C12orf54: variants seen among roughly 807,000 people sequenced by gnomAD.
C12orf54 encodes uncharacterized protein C12orf54.
Under a neutral mutation model 26.4 loss-of-function variants are expected in C12orf54, and 24 were observed. The ratio of observed to expected loss-of-function variants is 0.91; its 90% confidence interval spans 0.66 to 1.28. The LOEUF (loss-of-function observed/expected upper bound fraction) is 1.28, where lower values mean the gene tolerates loss of function less well. Ranked by LOEUF, C12orf54 falls within the 50% of genes most tolerant of loss-of-function variation. The probability of loss-of-function intolerance (pLI) is 0.00; values close to 1 mark genes in which losing one functional copy is unlikely to be tolerated. For missense variants in C12orf54, 154 were observed against 150.9 expected (o/e 1.02, Z -0.11); for synonymous variants, 54 against 47.0 (o/e 1.15, Z -0.61).
At chr12:48,472,457 A>G in the C12orf54 span, among the ~76,000 whole-genome samples, 1 of 152,236 alleles carries the variant, frequency 6.6e-6, no homozygotes, top group Non-Finnish European at 1.5e-5. Context: ...GGAAGTAGTC[A>G]TTATTCTAAG....
At chr12:48,486,081 C>A in intron 2 of C12orf54, 97 bp from the exon 3 acceptor site, 1 of 1,240,508 alleles carries the variant, frequency 8.1e-7, no homozygotes, top group Non-Finnish European at 1.2e-6. Context: ...ATAGAAACTT[C>A]AAGAATTCCT....
intron 4 of C12orf54, 129 bp downstream of exon 4, chr12:48,486,855 T>C: frequency 2.3e-6 from 2 of 879,360 alleles, no homozygotes; most frequent in Admixed American, 4.5e-5. Flanking sequence ...ATCAACACGC[T>C]CCCTCCCACC....
chr12:48,425,839 GC>G, the C12orf54 span, among the ~76,000 whole-genome samples: 127 of 151,606 alleles, frequency 8.4e-4, no homozygotes, highest in African/African-American at 3.0e-3. Flanking sequence ...GTAATACTGA[GC>G]TTTTTTATAT....
the C12orf54 span, among the ~76,000 whole-genome samples, chr12:48,447,919 GAA>G: frequency 6.6e-6 from 1 of 152,178 alleles, no homozygotes; most frequent in East Asian, 1.9e-4. Flanking sequence ...AGCATAAGAG[GAA>G]GTGACCTATT....
At chr12:48,474,310 A>G in the C12orf54 span, among the ~76,000 whole-genome samples, 1 of 152,174 alleles carries the variant, frequency 6.6e-6, no homozygotes, top group African/African-American at 2.4e-5. Flanking sequence ...AGCTCCCAGC[A>G]TGAGCGATAC....
chr12:48,434,404 G>T, the C12orf54 span, among the ~76,000 whole-genome samples: 1 of 152,216 alleles, frequency 6.6e-6, no homozygotes. Flanking sequence ...TGACAGCTTT[G>T]AAGAGAGTAG....
upstream of C12orf54, among the ~76,000 whole-genome samples, chr12:48,478,911 GT>G (rs1227966598): frequency 6.6e-6 from 1 of 152,204 alleles, no homozygotes; most frequent in Non-Finnish European, 1.5e-5. Context: ...CTTTTACACT[GT>G]TGGTGGGACT....
At chr12:48,476,039 G>T in the C12orf54 span, among the ~76,000 whole-genome samples, 10,432 of 151,884 alleles carry the variant, frequency 0.069, 1,130 homozygotes, top group African/African-American at 0.24. Flanking sequence ...CAGACTAACA[G>T]CTGATCTCTC....
chr12:48,439,677 C>G, the C12orf54 span, among the ~76,000 whole-genome samples: 1 of 152,080 alleles, frequency 6.6e-6, no homozygotes, highest in Non-Finnish European at 1.5e-5. Context: ...TGTTCTCACT[C>G]ATAGGTGGGA....
the C12orf54 span, among the ~76,000 whole-genome samples, chr12:48,438,313 A>G: frequency 6.6e-6 from 1 of 152,264 alleles, no homozygotes; most frequent in East Asian, 1.9e-4. Context: ...AATATCGTGA[A>G]AATGGCCATA....
upstream of C12orf54, among the ~76,000 whole-genome samples, chr12:48,480,526 A>G (rs1278616545): frequency 3.3e-5 from 5 of 152,210 alleles, no homozygotes; most frequent in Admixed American, 6.5e-5. Context: ...CAAAATCACA[A>G]TGAGACATCT....
upstream of C12orf54, among the ~76,000 whole-genome samples, chr12:48,481,136 C>T (rs1245395904): frequency 1.3e-5 from 2 of 152,046 alleles, no homozygotes; most frequent in South Asian, 4.2e-4. Context: ...GAAGCCCAAA[C>T]CTCAGCAATA....
At chr12:48,451,680 A>C in the C12orf54 span, among the ~76,000 whole-genome samples, 1 of 152,194 alleles carries the variant, frequency 6.6e-6, no homozygotes, top group Non-Finnish European at 1.5e-5. Flanking sequence ...AATCACTAGC[A>C]TTCCTATACA....
chr12:48,490,042 T>A (rs1434336970), intron 5 of C12orf54, among the ~76,000 whole-genome samples: 3 of 152,092 alleles, frequency 2.0e-5, no homozygotes, highest in African/African-American at 7.2e-5. Context: ...TTTTTAAAGA[T>A]CCTTTACACG....
the C12orf54 span, among the ~76,000 whole-genome samples, chr12:48,438,817 G>A: frequency 0.13 from 20,145 of 152,084 alleles, 2,682 homozygotes; most frequent in East Asian, 0.66. Flanking sequence ...AGAAAACCTA[G>A]ACAATACCAT....
chr12:48,426,791 C>T, the C12orf54 span, among the ~76,000 whole-genome samples: 1 of 152,176 alleles, frequency 6.6e-6, no homozygotes, highest in African/African-American at 2.4e-5. Context: ...TTGTAGAGAT[C>T]TTTCACCTCC....
the C12orf54 span, among the ~76,000 whole-genome samples, chr12:48,418,838 A>T: frequency 6.6e-6 from 1 of 152,116 alleles, no homozygotes; most frequent in Non-Finnish European, 1.5e-5. Context: ...TACAGTTTTA[A>T]ATTTTATAAA....
At chr12:48,470,177 G>A in the C12orf54 span, among the ~76,000 whole-genome samples, 1 of 152,092 alleles carries the variant, frequency 6.6e-6, no homozygotes, top group Non-Finnish European at 1.5e-5. Context: ...TTTCTTTTTG[G>A]TAGAATGATT....
In C12orf54 at chr12:48,486,852, C is replaced by T. The variant is rs1219948172; in HGVS notation, c.135+126C>T. The T allele has an allele frequency of 2.0e-5, 18 of 894,014 alleles. No individual in the cohort carries two copies. The East Asian group carries it at 2.6e-4, about 13-fold the overall frequency. The allele number at this position is 894,014 out of a possible 1,614,324, so 55.4% of individuals were successfully genotyped here. On this transcript the variant is annotated intron_variant, in intron 4 of 8. Transcript: ENST00000548364. Reference sequence around the variant, plus strand: ...GTTGATTGACGGTGAAGGATCAACACGCTCCCTCCCACCTTGTTCTGTTGC... The same window carrying T: ...GTTGATTGACGGTGAAGGATCAACATGCTCCCTCCCACCTTGTTCTGTTGC...
Sources: gnomAD v4.1 joint callset for allele counts (sites outside exome capture counted in the v4.1 genomes callset) on GRCh38, gnomAD v4.1.1 for gene constraint, MANE v1.5 for transcripts, NCBI Gene and HGNC (gene_info 2026-07-23, HGNC 2026-07-21) for gene names.